Variants in ZNF75D observed in about 807,000 individuals in gnomAD.
ZNF75D encodes zinc finger protein 75D, also known as zinc finger protein 75.
Under a neutral mutation model 33.3 loss-of-function variants are expected in ZNF75D, and 33 were observed. The ratio of observed to expected loss-of-function variants is 0.99; its 90% CI spans 0.75 to 1.32. ZNF75D has a LOEUF of 1.32. Ranked by LOEUF, ZNF75D falls within the 40% of genes most tolerant of loss-of-function variation. The probability of loss-of-function intolerance (pLI) is 0.00; values close to 1 mark genes in which losing one functional copy is unlikely to be tolerated. For synonymous variants in ZNF75D, 113 were observed against 130.6 expected, an observed-to-expected ratio of 0.87 and a Z score of 0.92; for missense variants, 338 against 367.5, an observed-to-expected ratio of 0.92 and a Z score of 0.66.
At chrX:135,318,091 T>A (rs201845242) in intron 1 of ZNF75D, among the ~76,000 whole-genome samples, 19,013 of 95,341 alleles carry the variant, frequency 0.2, 2,120 homozygotes, top group Middle Eastern at 0.33. Context: ...ATATATATTT[T>A]TTTTTTTTTT....
At position 135,287,703 on chromosome X, in the gene ZNF75D, T is replaced by C; in HGVS notation, c.967A>G (p.Thr323Ala). 1 of 1,212,154 alleles carries C rather than the reference T, an allele frequency of 8.2e-7. No individual in the cohort carries two copies. The highest frequency in any genetic ancestry group is 1.1e-6 in the Non-Finnish European group (1 of 895,528). Residue 323 changes from threonine to alanine, a missense_variant, in exon 7 of 7, where the codon ACA (threonine) becomes GCA (alanine). Transcript: ENST00000370766. ...CGATGCCATTTCTGTACACTGTGTG[T>C]ATCACCAGGATTTTCCCTGCCCATT... ...KTMGRENPGD[T>A]HSVQKWHRAF... is the part of the protein sequence containing the mutation.
intron 1 of ZNF75D, among the ~76,000 whole-genome samples, chrX:135,336,825 G>A (rs1001981485): frequency 2.7e-5 from 3 of 112,179 alleles, no homozygotes; most frequent in Admixed American, 9.4e-5. Flanking sequence ...GCCTTTGTTC[G>A]GGGATCCCTT....
At chrX:135,295,404 C>A (rs1307689121) in intron 2 of ZNF75D, among the ~76,000 whole-genome samples, 1 of 112,322 alleles carries the variant, frequency 8.9e-6, no homozygotes, top group Non-Finnish European at 1.9e-5. Flanking sequence ...TGATTCACTA[C>A]AACTTATAGA....
In ZNF75D at chrX:135,340,932, T is replaced by A. The variant is rs140709041; in HGVS notation, c.-391+836A>T. Among the ~76,000 whole-genome samples the A allele has an allele frequency of 1.4e-3, 152 of 111,638 alleles. 2 individuals carry two copies. The East Asian group carries it at 0.04, about 29-fold the overall frequency. On this transcript the variant is annotated intron_variant, in intron 1 of 6. Transcript: ENST00000370766. ...GGATTGTGGGGTGGCAGGGGCCAAG[T>A]GGGGGCACTTAATTGACAAAGACAA...
At chrX:135,292,157 T>A in intron 4 of ZNF75D, 124 bp downstream of exon 4, 1 of 673,464 alleles carries the variant, frequency 1.5e-6, no homozygotes, top group Admixed American at 2.8e-5. Flanking sequence ...CCCACTGTAC[T>A]CCCACCTGGG....
intron 1 of ZNF75D, among the ~76,000 whole-genome samples, chrX:135,271,126 C>A (rs782175981): frequency 9.0e-6 from 1 of 111,539 alleles, no homozygotes; most frequent in South Asian, 3.8e-4. Flanking sequence ...TGAGTTTTCA[C>A]CAGGCCGCTC....
At chrX:135,264,494 A>G (rs1335352973) in intron 1 of ZNF75D, among the ~76,000 whole-genome samples, 1 of 112,033 alleles carries the variant, frequency 8.9e-6, no homozygotes, top group African/African-American at 3.2e-5. Context: ...ATGAACATCT[A>G]CAAGCATCAA....
At chrX:135,269,442 A>G (rs1556416670) in intron 1 of ZNF75D, among the ~76,000 whole-genome samples, 1 of 112,344 alleles carries the variant, frequency 8.9e-6, no homozygotes, top group African/African-American at 3.2e-5. Context: ...TGGACAAAAG[A>G]TCTGAATAGA....
chrX:135,268,645 T>A (rs782744760), intron 1 of ZNF75D, among the ~76,000 whole-genome samples: 35 of 110,809 alleles, frequency 3.2e-4, no homozygotes, highest in Admixed American at 5.8e-4. Context: ...ATTGGAAGAA[T>A]AATATCATTA....
In ZNF75D at chrX:135,342,843, T is replaced by C. The variant is rs782209055; in HGVS notation, c.-1466A>G. 1 of 111,421 alleles carries C rather than the reference T, an allele frequency of 9.0e-6. No homozygotes were observed. Among genetic ancestry groups the C allele is most frequent in the East Asian group, 2.8e-4 (1 of 3,547 alleles). The allele number at this position is 111,421 out of a possible 1,213,427, so 9.2% of individuals were successfully genotyped here. On this transcript the variant is annotated 5_prime_UTR_variant, in exon 1 of 7. Coordinates refer to ENST00000370766, the MANE Select transcript of ZNF75D (RefSeq NM_007131.5). ...AACCCCAGAAGGGTCTATTACCCTT[T>C]CTGCATTTGACCAGTGCAGAAAGTG...
At chrX:135,266,968 G>A (rs1556416382) in intron 1 of ZNF75D, among the ~76,000 whole-genome samples, 1 of 111,615 alleles carries the variant, frequency 9.0e-6, no homozygotes, top group East Asian at 2.8e-4. Context: ...ATGAATTTTT[G>A]AAATTATACC....
intron 1 of ZNF75D, among the ~76,000 whole-genome samples, chrX:135,320,680 A>T (rs782319565): frequency 8.9e-6 from 1 of 112,067 alleles, no homozygotes; most frequent in African/African-American, 3.2e-5. Flanking sequence ...CAAAATCTTC[A>T]CTTTTTTTCC....
intron 1 of ZNF75D, among the ~76,000 whole-genome samples, chrX:135,257,952 T>C (rs1411322061): frequency 9.3e-6 from 1 of 107,503 alleles, no homozygotes; most frequent in Non-Finnish European, 1.9e-5. Flanking sequence ...CTAACGCTAT[T>C]CCTCCCGGAG....
intron 1 of ZNF75D, among the ~76,000 whole-genome samples, chrX:135,324,490 C>T (rs2084536484): frequency 8.9e-6 from 1 of 112,861 alleles, no homozygotes. Flanking sequence ...GAGGATGCTG[C>T]TGTTAGTATA....
rs782693582 is a variant in ZNF75D at position 135,256,973 on chromosome X, T to C, written n.828-1196A>G. On this transcript the variant is annotated intron_variant and non_coding_transcript_variant, in intron 1 of 3. Transcript: ENST00000494295. ...TGCCTTGAAGGAAAGGACCCAGTCC[T>C]GGCAGGACCTATCACCTGCTGACTA... Among the ~76,000 whole-genome samples, 1,011 of 111,389 alleles carry C rather than the reference T, an allele frequency of 9.1e-3. 3 individuals carry two copies. Among genetic ancestry groups the C allele is most frequent in the Non-Finnish European group, 0.015 (801 of 52,968 alleles).
downstream of ZNF75D, among the ~76,000 whole-genome samples, chrX:135,283,696 C>T (rs1171159815): frequency 1.8e-5 from 2 of 111,848 alleles, no homozygotes; most frequent in Non-Finnish European, 3.8e-5. Flanking sequence ...ATGGAAGTGG[C>T]AAAGTGGCAG....
At chrX:135,307,737 A>C (rs1341911098) in intron 1 of ZNF75D, among the ~76,000 whole-genome samples, 1 of 112,330 alleles carries the variant, frequency 8.9e-6, no homozygotes, top group African/African-American at 3.2e-5. Context: ...GAGACACAGC[A>C]GTGTTTAACT....
At chrX:135,256,235 A>T (rs1556414079) in intron 1 of ZNF75D, among the ~76,000 whole-genome samples, 1 of 80,763 alleles carries the variant, frequency 1.2e-5, no homozygotes, top group African/African-American at 4.7e-5. Flanking sequence ...GAGGCATTGC[A>T]CAGGGCAAGA....
At chrX:135,257,228 G>A (rs942161378) in intron 1 of ZNF75D, among the ~76,000 whole-genome samples, 1 of 112,288 alleles carries the variant, frequency 8.9e-6, no homozygotes, top group African/African-American at 3.2e-5. Context: ...TGGGGTCCTC[G>A]AGTCCAGGCC....
Sources: allele counts gnomAD v4.1 joint callset (sites outside exome capture counted in the v4.1 genomes callset), GRCh38; gene constraint gnomAD v4.1.1; transcripts MANE v1.5; gene names NCBI Gene and HGNC (gene_info 2026-07-23, HGNC 2026-07-21).